Variants in PLAC1 observed in about 807,000 individuals in gnomAD.
The protein encoded by PLAC1 is placenta-specific protein 1.
For missense variants in PLAC1, 136 were observed against 163.2 expected (o/e 0.83, Z 0.91); for synonymous variants, 68 against 62.1 (o/e 1.09, Z -0.44).
intron 2 of PLAC1, among the ~76,000 whole-genome samples, chrX:134,600,651 A>AT (rs1207166785): frequency 1.1e-3 from 110 of 100,948 alleles, no homozygotes; most frequent in Admixed American, 2.3e-3. Context: ...ACCCGATCTC[A>AT]TTTTTTTTTT....
intron 2 of PLAC1, among the ~76,000 whole-genome samples, chrX:134,717,213 A>C (rs2078645855): frequency 9.0e-6 from 1 of 111,415 alleles, no homozygotes; most frequent in Admixed American, 9.5e-5. Context: ...GGCCAAACTG[A>C]AACCATTTGA....
rs918940906 is a variant in PLAC1, at chrX:134,594,287, G to A, written c.-59+7764C>T. Among the ~76,000 whole-genome samples the A allele has an allele frequency of 4.5e-5, 5 of 111,480 alleles. No homozygotes were observed. In the Admixed American group the frequency reaches 4.8e-4, roughly 11 times the overall value. The stretch of plus-strand genomic sequence containing the variant: ...TGGTGTATAATTCCTTCATATTGCT[G>A]AAGTCTGTTTGCTAATATTTTGTTA... On this transcript the variant is annotated intron_variant, in intron 2 of 2. Transcript: ENST00000359237.
At chrX:134,742,157 A>T (rs754031624) in intron 1 of PLAC1, among the ~76,000 whole-genome samples, 1 of 112,559 alleles carries the variant, frequency 8.9e-6, no homozygotes, top group Non-Finnish European at 1.9e-5. Context: ...GTTCAAAGAG[A>T]CCTCATCACT....
intron 2 of PLAC1, among the ~76,000 whole-genome samples, chrX:134,709,629 A>G (rs1292504094): frequency 9.0e-6 from 1 of 111,416 alleles, no homozygotes; most frequent in East Asian, 2.8e-4. Flanking sequence ...ACTATATAGT[A>G]TTGGCAGATG....
chrX:134,616,260 G>T, intron 1 of PLAC1, among the ~76,000 whole-genome samples: 1 of 111,589 alleles, frequency 9.0e-6, no homozygotes, highest in Non-Finnish European at 1.9e-5. Context: ...GGAGTTACAG[G>T]CATGAGCCAC....
chrX:134,714,593 A>G (rs953011332), intron 2 of PLAC1, among the ~76,000 whole-genome samples: 13 of 111,169 alleles, frequency 1.2e-4, no homozygotes, highest in African/African-American at 3.9e-4. Flanking sequence ...CATCTCCAGA[A>G]TTTTTTCATC....
At chrX:134,752,437 T>A (rs180863186) in intron 1 of PLAC1, among the ~76,000 whole-genome samples, 1,817 of 111,669 alleles carry the variant, frequency 0.016, 36 homozygotes, top group African/African-American at 0.055. Flanking sequence ...TTCTTCCCCT[T>A]CTCAAAATGA....
chrX:134,568,244 G>A (rs1445818101), intron 2 of PLAC1, among the ~76,000 whole-genome samples: 2 of 112,842 alleles, frequency 1.8e-5, no homozygotes, highest in Admixed American at 9.3e-5. Flanking sequence ...AGTAACCCCT[G>A]CACAAATTCA....
rs193135157 is a variant in PLAC1, at chrX:134,649,428, G to A, written c.-131+8900C>T. On this transcript the variant is annotated intron_variant, in intron 1 of 2. Coordinates refer to ENST00000359237, the MANE Select transcript of PLAC1 (RefSeq NM_021796.4). The stretch of plus-strand genomic sequence containing the variant: ...TGCCTTGCTGTTGCACATGTATTCC[G>A]GACTCCTTGTTCAGTGATGTCATGT... 2.0e-3 allele frequency among the ~76,000 whole-genome samples: 220 copies of A among 110,817 alleles called. 1 individual carries two copies. The highest frequency in any genetic ancestry group is 6.6e-3 in the African/African-American group (201 of 30,474).
chrX:134,574,292 G>A (rs1039538566), intron 2 of PLAC1, among the ~76,000 whole-genome samples: 1 of 111,966 alleles, frequency 8.9e-6, no homozygotes, highest in Admixed American at 9.5e-5. Context: ...TAAGTACTTA[G>A]TAAATATTTT....
At chrX:134,623,806 G>C (rs1353308617) in intron 1 of PLAC1, among the ~76,000 whole-genome samples, 1 of 112,013 alleles carries the variant, frequency 8.9e-6, no homozygotes, top group Non-Finnish European at 1.9e-5. Flanking sequence ...ATAGAAAGAA[G>C]CTTCCTCGTG....
intron 1 of PLAC1, among the ~76,000 whole-genome samples, chrX:134,761,186 A>G (rs2078768946): frequency 1.9e-5 from 2 of 103,269 alleles, no homozygotes; most frequent in Non-Finnish European, 1.9e-5. Flanking sequence ...AAATTTCAGG[A>G]AAAAAAAAAT....
chrX:134,732,272 C>T (rs2078691057), intron 2 of PLAC1, among the ~76,000 whole-genome samples: 1 of 111,410 alleles, frequency 9.0e-6, no homozygotes, highest in East Asian at 2.8e-4. Flanking sequence ...TCAATTTGAG[C>T]TAATGGGTGC....
intron 2 of PLAC1, among the ~76,000 whole-genome samples, chrX:134,695,484 A>AT (rs925170578): frequency 2.9e-4 from 33 of 111,912 alleles, no homozygotes; most frequent in African/African-American, 1.0e-3. Flanking sequence ...CTACAAGACA[A>AT]AGACCAGGAA....
intron 2 of PLAC1, among the ~76,000 whole-genome samples, chrX:134,680,578 C>CTAAAA (rs2078491972): frequency 9.8e-6 from 1 of 101,991 alleles, no homozygotes; most frequent in Non-Finnish European, 2.0e-5. Flanking sequence ...CTAAACTAAA[C>CTAAAA]TAAACTAAAC....
At chrX:134,610,710 C>T (rs759659587) in intron 1 of PLAC1, among the ~76,000 whole-genome samples, 3 of 112,057 alleles carry the variant, frequency 2.7e-5, no homozygotes, top group African/African-American at 6.5e-5. Flanking sequence ...GAGTGACAAG[C>T]TGGAGTTTCT....
At chrX:134,582,935 G>A (rs939537660) in intron 2 of PLAC1, among the ~76,000 whole-genome samples, 11 of 111,500 alleles carry the variant, frequency 9.9e-5, no homozygotes, top group Non-Finnish European at 1.3e-4. Flanking sequence ...ATAAGACGGC[G>A]CTAACTAACT....
Position 134,694,308 on chromosome X carries a change from T to C in PLAC1, n.174+39127A>G, listed in dbSNP as rs557741362. Among the ~76,000 whole-genome samples the C allele has an allele frequency of 3.7e-4, 41 of 112,058 alleles. 2 individuals carry two copies. In the South Asian group the frequency reaches 0.014, roughly 39 times the overall value. ...TTCAGCAAGTTTAAGGTTCCTAAGA[T>C]ACCCTCCAAGCTCCCTAGAAGATGG... On this transcript the variant is annotated intron_variant and non_coding_transcript_variant, in intron 2 of 2. Transcript: ENST00000466797.
intron 2 of PLAC1, among the ~76,000 whole-genome samples, chrX:134,709,556 C>T (rs1039002889): frequency 1.8e-5 from 2 of 110,692 alleles, no homozygotes; most frequent in African/African-American, 6.6e-5. Context: ...AACCCGGGAT[C>T]GCGCCACTGC....
Sources: allele counts gnomAD v4.1 joint callset (sites outside exome capture counted in the v4.1 genomes callset), GRCh38; gene constraint gnomAD v4.1.1; transcripts MANE v1.5; gene names NCBI Gene and HGNC (gene_info 2026-07-23, HGNC 2026-07-21).